Variants in CREB5 observed in about 807,000 individuals in gnomAD.
CREB5 encodes the protein cyclic AMP-responsive element-binding protein 5.
CREB5 carries 19 observed loss-of-function variants against 57.1 expected under a neutral mutation model. That is an observed-to-expected ratio of 0.33 (90% CI 0.23 to 0.49). CREB5 has a LOEUF of 0.49. Among genes scored for constraint, CREB5 ranks in the 20% least tolerant of loss-of-function variants. The probability of loss-of-function intolerance (pLI) is 0.99; values close to 1 mark genes in which losing one functional copy is unlikely to be tolerated. For synonymous variants in CREB5, 238 were observed against 238.3 expected (o/e 1.00, Z 0.01); for missense variants, 579 against 671.6 (o/e 0.86, Z 1.52).
chr7:28,704,099 A>T (rs1801991634), intron 5 of CREB5, among the ~76,000 whole-genome samples: 2 of 152,206 alleles, frequency 1.3e-5, no homozygotes, highest in Non-Finnish European at 2.9e-5. Flanking sequence ...TGATGGCTCC[A>T]ACACTGAAAA....
chr7:28,787,571 T>G (rs915253566), intron 7 of CREB5, among the ~76,000 whole-genome samples: 1 of 152,206 alleles, frequency 6.6e-6, no homozygotes, highest in Non-Finnish European at 1.5e-5. Flanking sequence ...GATTCTCTTT[T>G]GTCGTTGTTT....
chr7:28,468,077 C>A (rs550875532), intron 1 of CREB5, among the ~76,000 whole-genome samples: 3 of 152,204 alleles, frequency 2.0e-5, no homozygotes, highest in Admixed American at 6.5e-5. Flanking sequence ...GCCTCCTGAA[C>A]GGAAGTCATT....
At chr7:28,481,807 A>G (rs2128590072) in intron 1 of CREB5, among the ~76,000 whole-genome samples, 1 of 152,236 alleles carries the variant, frequency 6.6e-6, no homozygotes, top group Middle Eastern at 3.4e-3. Context: ...CAAACACACA[A>G]AGAGAGGAGA....
chr7:28,631,374 C>T (rs1198265186), intron 5 of CREB5, among the ~76,000 whole-genome samples: 3 of 152,140 alleles, frequency 2.0e-5, no homozygotes, highest in Admixed American at 6.6e-5. Flanking sequence ...AGCTGTGTGG[C>T]CTTGAGAAAG....
At chr7:28,746,937 C>T (rs1358834582) in intron 7 of CREB5, among the ~76,000 whole-genome samples, 1 of 152,212 alleles carries the variant, frequency 6.6e-6, no homozygotes, top group African/African-American at 2.4e-5. Context: ...AAGGTGGAAA[C>T]ATGAGGCTCT....
intron 5 of CREB5, among the ~76,000 whole-genome samples, chr7:28,571,801 T>C (rs1755966286): frequency 6.6e-6 from 1 of 152,142 alleles, no homozygotes; most frequent in Non-Finnish European, 1.5e-5. Flanking sequence ...AGCACATGGG[T>C]TCTTAGGAAG....
intron 1 of CREB5, among the ~76,000 whole-genome samples, chr7:28,414,920 G>C (rs1244525722): frequency 6.6e-6 from 1 of 151,888 alleles, no homozygotes; most frequent in African/African-American, 2.4e-5. Flanking sequence ...TAAAGTTTAG[G>C]ATAAATTCTT....
intron 1 of CREB5, among the ~76,000 whole-genome samples, chr7:28,466,563 T>C (rs1790581067): frequency 6.6e-6 from 1 of 152,192 alleles, no homozygotes; most frequent in African/African-American, 2.4e-5. Flanking sequence ...TTCTCTTCCT[T>C]CTTTCTGACT....
intron 5 of CREB5, among the ~76,000 whole-genome samples, chr7:28,646,605 G>A (rs1336041149): frequency 2.0e-5 from 3 of 152,108 alleles, no homozygotes; most frequent in African/African-American, 7.2e-5. Context: ...CGGTTACCAT[G>A]ACAGCATTAA....
chr7:28,797,658 G>A (rs1199978353), intron 7 of CREB5, among the ~76,000 whole-genome samples: 1 of 152,192 alleles, frequency 6.6e-6, no homozygotes, highest in Non-Finnish European at 1.5e-5. Context: ...TTAATCCCAT[G>A]CACAGCACGG....
intron 5 of CREB5, among the ~76,000 whole-genome samples, chr7:28,638,352 C>CTTTTTTTCTTTTTTCT (rs1489610866): frequency 2.0e-4 from 29 of 148,636 alleles, no homozygotes; most frequent in Middle Eastern, 3.4e-3. Flanking sequence ...ATTCTTTTTT[C>CTTTTTTTCTTTTTTCT]TTTTTTTTTT....
At chr7:28,564,810 G>T (rs1343974591) in intron 4 of CREB5, among the ~76,000 whole-genome samples, 1 of 152,196 alleles carries the variant, frequency 6.6e-6, no homozygotes, top group Admixed American at 6.5e-5. Flanking sequence ...TATAATTTTT[G>T]GGAGGCTCAC....
At chr7:28,737,570 TATATATATATATATA>T (rs1562606710) in intron 7 of CREB5, among the ~76,000 whole-genome samples, 7 of 47,962 alleles carry the variant, frequency 1.5e-4, no homozygotes, top group African/African-American at 4.9e-4. Context: ...TATATATATA[TATATATATATATATA>T]TATTTTTAAC....
intron 1 of CREB5, among the ~76,000 whole-genome samples, chr7:28,418,196 G>A (rs1788097805): frequency 6.6e-6 from 1 of 152,118 alleles, no homozygotes; most frequent in African/African-American, 2.4e-5. Context: ...ATGTCAAGAT[G>A]TTAGTTATAA....
At chr7:28,328,590 A>T (rs1053803513) in intron 1 of CREB5, among the ~76,000 whole-genome samples, 2 of 152,202 alleles carry the variant, frequency 1.3e-5, no homozygotes, top group African/African-American at 4.8e-5. Flanking sequence ...TAATGATAAG[A>T]ATAATATTTG....
chr7:28,745,864 C>T (rs1242282161), intron 7 of CREB5, among the ~76,000 whole-genome samples: 1 of 152,150 alleles, frequency 6.6e-6, no homozygotes, highest in Non-Finnish European at 1.5e-5. Flanking sequence ...GCTAGGACAC[C>T]TAAGTCCCAG....
chr7:28,569,235 G>C (rs951534108), intron 4 of CREB5, among the ~76,000 whole-genome samples: 5 of 151,322 alleles, frequency 3.3e-5, no homozygotes, highest in African/African-American at 1.2e-4. Flanking sequence ...TGTAATCCTG[G>C]CTTACTGCAG....
intron 1 of CREB5, among the ~76,000 whole-genome samples, chr7:28,348,408 T>TCACACACACACA (rs59152695): frequency 8.5e-6 from 1 of 118,116 alleles, no homozygotes; most frequent in African/African-American, 3.2e-5. Flanking sequence ...TCTCTCTCTC[T>TCACACACACACA]CACACACACA....
At chr7:28,622,462 G>A in intron 5 of CREB5, among the ~76,000 whole-genome samples, 1 of 152,164 alleles carries the variant, frequency 6.6e-6, no homozygotes, top group East Asian at 1.9e-4. Flanking sequence ...ACATGCAAAG[G>A]CGTAGAAAGA....
Sources: allele counts gnomAD v4.1 joint callset (sites outside exome capture counted in the v4.1 genomes callset), GRCh38; gene constraint gnomAD v4.1.1; transcripts MANE v1.5; gene names NCBI Gene and HGNC (gene_info 2026-07-23, HGNC 2026-07-21).